TRAK1: variants seen among roughly 807,000 people sequenced by gnomAD.
TRAK1 encodes the protein trafficking kinesin-binding protein 1.
TRAK1 carries 33 observed loss-of-function variants against 92.1 expected under a neutral mutation model. The ratio of observed to expected loss-of-function variants is 0.36; its 90% confidence interval spans 0.27 to 0.48. The LOEUF (loss-of-function observed/expected upper bound fraction) is 0.48, where lower values mean the gene tolerates loss of function less well. TRAK1 is among the 20% of genes least tolerant of loss of function. The probability of loss-of-function intolerance (pLI) is 0.99; values close to 1 mark genes in which losing one functional copy is unlikely to be tolerated. For missense variants in TRAK1, 1,123 were observed against 1,257.9 expected (o/e 0.89, Z 1.62); for synonymous variants, 521 against 517.3 (o/e 1.01, Z -0.10).
intron 2 of TRAK1, among the ~76,000 whole-genome samples, chr3:42,154,472 C>CTTAT (rs534238998): frequency 5.9e-4 from 89 of 150,536 alleles, no homozygotes; most frequent in Middle Eastern, 7.4e-3. Context: ...TGCACCCAGC[C>CTTAT]TTATTTATTT....
At chr3:42,181,147 C>A (rs1426037979) in intron 3 of TRAK1, among the ~76,000 whole-genome samples, 1 of 152,212 alleles carries the variant, frequency 6.6e-6, no homozygotes, top group Non-Finnish European at 1.5e-5. Context: ...GTGCTGGAAG[C>A]CTTCCGCATC....
chr3:42,161,021 A>G (rs971838576), intron 2 of TRAK1, among the ~76,000 whole-genome samples: 43 of 152,368 alleles, frequency 2.8e-4, no homozygotes, highest in African/African-American at 9.9e-4. Context: ...TATTTTTAAA[A>G]AAATTATTAA....
intron 1 of TRAK1, among the ~76,000 whole-genome samples, chr3:42,068,459 T>A (rs185426359): frequency 1.6e-4 from 24 of 152,340 alleles, no homozygotes; most frequent in African/African-American, 5.8e-4. Context: ...CCACTGCATG[T>A]GGTCCATTAG....
rs149105861 is a variant in TRAK1 at position 42,024,009 on chromosome 3, C to A, written c.-519+9892C>A. 8.3e-3 allele frequency among the ~76,000 whole-genome samples: 1,267 copies of A among 152,182 alleles called. 56 individuals carry two copies. The East Asian group carries it at 0.14, about 17-fold the overall frequency. On this transcript the variant is annotated intron_variant, in intron 1 of 16. Transcript: ENST00000487159. Reference sequence around the variant, plus strand: ...ACCTCAGGTGATTCGCCCTCCTTGGCCCCCCAAAGTGCTGGGATTACAGGC... The same window carrying A: ...ACCTCAGGTGATTCGCCCTCCTTGGACCCCCAAAGTGCTGGGATTACAGGC...
upstream of TRAK1, among the ~76,000 whole-genome samples, chr3:42,085,911 C>G (rs1004465170): frequency 9.9e-5 from 15 of 152,224 alleles, no homozygotes; most frequent in African/African-American, 3.1e-4. Flanking sequence ...AATGTAGTCT[C>G]TGGAAAATTC....
intron 5 of TRAK1, 44 bp downstream of exon 5, chr3:42,188,189 C>G (rs1705174945): frequency 1.2e-5 from 19 of 1,592,278 alleles, no homozygotes; most frequent in Non-Finnish European, 1.6e-5. Flanking sequence ...AGAGCACAGG[C>G]TGGCCGCTGT....
At chr3:42,077,079 T>C (rs1268334880) in intron 1 of TRAK1, among the ~76,000 whole-genome samples, 1 of 152,174 alleles carries the variant, frequency 6.6e-6, no homozygotes, top group African/African-American at 2.4e-5. Context: ...CCTTCTAGCT[T>C]TGTTCTTTTT....
In TRAK1 at chr3:42,199,256, A is replaced by G; in HGVS notation, c.1190+3A>G. The G allele has an allele frequency of 6.2e-7, 1 of 1,614,070 alleles. No homozygotes were observed. Among genetic ancestry groups the G allele is most frequent in the Non-Finnish European group, 8.5e-7 (1 of 1,180,002 alleles). The stretch of plus-strand genomic sequence containing the variant: ...GAGGCCGAGTCTCCAGACATCACGT[A>G]CGGCCACAGTTTTTACAGTTTTGAG... On this transcript the variant is annotated splice_donor_region_variant and intron_variant, in intron 11 of 15. Coordinates refer to ENST00000327628, the MANE Select transcript of TRAK1 (RefSeq NM_001042646.3).
chr3:42,091,505 G>T lies in TRAK1; in HGVS notation c.36G>T (p.Arg12Ser). ...ALVFQFGQPVRAQPLPGLCHG... is the reference protein window; with the variant it reads ...ALVFQFGQPVSAQPLPGLCHG... ...TTTTTCAATTCGGGCAGCCCGTCAG[G>T]GCTCAGCCTCTGCCAGGACTCTGCC... Residue 12 changes from arginine to serine, a missense_variant, in exon 1 of 16, where the codon AGG becomes AGT. Arg to Ser is a moderately radical substitution (Grantham distance 110, BLOSUM62 -1). Around this residue, in one of 3 missense-constraint regions of TRAK1, gnomAD observed 686 missense variants for 747.6 expected, o/e 0.92. Transcript: ENST00000327628. 7 of 1,613,534 alleles carry T rather than the reference G, an allele frequency of 4.3e-6. No homozygotes were observed. Among genetic ancestry groups the T allele is most frequent in the Non-Finnish European group, 5.9e-6 (7 of 1,179,842 alleles).
intron 1 of TRAK1, among the ~76,000 whole-genome samples, chr3:42,062,497 C>T (rs1703491261): frequency 6.6e-6 from 1 of 152,188 alleles, no homozygotes; most frequent in South Asian, 2.1e-4. Context: ...AGCTTAAATA[C>T]AGCATGACTA....
chr3:42,158,336 A>G (rs962786218), intron 2 of TRAK1, among the ~76,000 whole-genome samples: 1 of 152,162 alleles, frequency 6.6e-6, no homozygotes, highest in African/African-American at 2.4e-5. Context: ...TACTTGCTGA[A>G]TGAATCACGC....
chr3:42,070,111 C>G (rs1394919515), intron 1 of TRAK1, among the ~76,000 whole-genome samples: 4 of 151,956 alleles, frequency 2.6e-5, no homozygotes, highest in African/African-American at 9.7e-5. Flanking sequence ...CTTGGCCCCA[C>G]AAAGGCCGGG....
intron 14 of TRAK1, chr3:42,211,887 G>A: frequency 1.0e-6 from 1 of 985,448 alleles, no homozygotes. Context: ...TGAAACTGTA[G>A]AAAGGGTCAG....
upstream of TRAK1, among the ~76,000 whole-genome samples, chr3:42,084,559 T>G (rs1475436047): frequency 6.6e-6 from 1 of 152,214 alleles, no homozygotes; most frequent in Non-Finnish European, 1.5e-5. Flanking sequence ...GAAGCCCCCT[T>G]GGGCCCCACT....
At chr3:42,026,437 A>G (rs866998918) in intron 1 of TRAK1, among the ~76,000 whole-genome samples, 15 of 152,006 alleles carry the variant, frequency 9.9e-5, no homozygotes, top group Middle Eastern at 6.8e-3. Context: ...TTATTTTTAC[A>G]TACCAATTTG....
At chr3:42,209,658 G>C in intron 13 of TRAK1, 109 bp from the exon 14 acceptor site, 1 of 1,109,472 alleles carries the variant, frequency 9.0e-7, no homozygotes, top group Non-Finnish European at 1.3e-6. Context: ...AGACCCTGCT[G>C]GGGTTCACGC....
At chr3:42,096,521 T>C (rs1705940692) in intron 1 of TRAK1, among the ~76,000 whole-genome samples, 2 of 152,366 alleles carry the variant, frequency 1.3e-5, no homozygotes, top group South Asian at 2.1e-4. Context: ...CCCAAAGTGC[T>C]GGGATTACAG....
chr3:42,220,587 AG>A, intron 15 of TRAK1: 1 of 985,276 alleles, frequency 1.0e-6, no homozygotes, highest in Non-Finnish European at 1.2e-6. Context: ...CGGGCGAGGC[AG>A]GGGGTGAGCA....
At chr3:42,127,219 T>C (rs1576494576) in intron 2 of TRAK1, among the ~76,000 whole-genome samples, 1 of 152,360 alleles carries the variant, frequency 6.6e-6, no homozygotes, top group East Asian at 1.9e-4. Flanking sequence ...TAGTAGAGTT[T>C]GTAACAGAAT....
Sources: gnomAD v4.1 joint callset for allele counts (sites outside exome capture counted in the v4.1 genomes callset) on GRCh38, gnomAD v4.1.1 for gene constraint, gnomAD v4.1.1 regional missense constraint, MANE v1.5 for transcripts, NCBI Gene and HGNC (gene_info 2026-07-23, HGNC 2026-07-21) for gene names.